CADPS2: variants seen among roughly 807,000 people sequenced by gnomAD.
The protein encoded by CADPS2 is calcium dependent secretion activator 2, also known as calcium-dependent secretion activator 2.
CADPS2 carries 93 observed loss-of-function variants against 172.5 expected under a neutral mutation model. The observed-to-expected ratio is 0.54, with a 90% CI of 0.46 to 0.64. CADPS2 has a LOEUF of 0.64. Among genes scored for constraint, CADPS2 ranks in the 30% least tolerant of loss-of-function variants. CADPS2 has a pLI of 0.00. For missense variants in CADPS2, 1,420 were observed against 1,565.9 expected (o/e 0.91, Z 1.57); for synonymous variants, 546 against 555.2 (o/e 0.98, Z 0.23).
intron 24 of CADPS2, 92 bp from the exon 25 acceptor site, chr7:122,379,534 T>C (rs1428440184): frequency 1.3e-6 from 1 of 747,300 alleles, no homozygotes; most frequent in South Asian, 1.5e-5. Flanking sequence ...AGTTATGACC[T>C]ATCAGATTTA....
intron 25 of CADPS2, among the ~76,000 whole-genome samples, chr7:122,369,136 C>G (rs955801564): frequency 4.2e-5 from 4 of 96,108 alleles, no homozygotes; most frequent in Admixed American, 1.2e-4. Context: ...TTCCCCCCCC[C>G]CCCCCCTTTT....
At chr7:122,406,836 A>G (rs1273211000) in intron 20 of CADPS2, among the ~76,000 whole-genome samples, 1 of 152,148 alleles carries the variant, frequency 6.6e-6, no homozygotes, top group Admixed American at 6.5e-5. Flanking sequence ...GTGCTGAAAC[A>G]AAGGTTGTCA....
intron 1 of CADPS2, among the ~76,000 whole-genome samples, chr7:122,774,542 G>A (rs2093815868): frequency 1.3e-5 from 2 of 151,974 alleles, no homozygotes; most frequent in African/African-American, 4.8e-5. Context: ...TAAAAGCATA[G>A]GTTATAAATG....
At chr7:122,362,431 TAGG>T (rs1171808308) in intron 25 of CADPS2, among the ~76,000 whole-genome samples, 5 of 152,052 alleles carry the variant, frequency 3.3e-5, no homozygotes, top group African/African-American at 1.2e-4. Context: ...GTGAGGGGGG[TAGG>T]ATGTGGAATT....
At chr7:122,562,571 ATTGTT>A (rs935493010) in intron 7 of CADPS2, among the ~76,000 whole-genome samples, 8 of 152,170 alleles carry the variant, frequency 5.3e-5, no homozygotes, top group Non-Finnish European at 1.0e-4. Context: ...ACAAATTTAT[ATTGTT>A]TTAAGTCACT....
intron 1 of CADPS2, among the ~76,000 whole-genome samples, chr7:122,738,250 A>G (rs1183885394): frequency 1.3e-5 from 2 of 152,168 alleles, no homozygotes; most frequent in Non-Finnish European, 2.9e-5. Flanking sequence ...GGAGCTTCTT[A>G]GTAAAAATAT....
intron 14 of CADPS2, among the ~76,000 whole-genome samples, chr7:122,460,809 A>G (rs927072473): frequency 8.5e-5 from 13 of 152,232 alleles, no homozygotes; most frequent in African/African-American, 3.1e-4. Context: ...AGAATAACAG[A>G]ATTTCCAGGA....
At chr7:122,474,179 T>G (rs1014144981) in intron 13 of CADPS2, among the ~76,000 whole-genome samples, 5 of 152,304 alleles carry the variant, frequency 3.3e-5, no homozygotes, top group Admixed American at 1.3e-4. Context: ...GCAGTGGTCT[T>G]CAAGTGTATA....
intron 9 of CADPS2, among the ~76,000 whole-genome samples, chr7:122,501,179 C>T (rs1444690561): frequency 6.6e-6 from 1 of 151,854 alleles, no homozygotes. Context: ...CACTTAAGTC[C>T]AGGGATTCAA....
chr7:122,507,760 G>A (rs1424543493), intron 9 of CADPS2, among the ~76,000 whole-genome samples: 2 of 152,116 alleles, frequency 1.3e-5, no homozygotes. Flanking sequence ...TGCTATTGTA[G>A]GAATCCATGT....
At chr7:122,533,265 A>T (rs1161582717) in intron 8 of CADPS2, among the ~76,000 whole-genome samples, 1 of 152,062 alleles carries the variant, frequency 6.6e-6, no homozygotes, top group Non-Finnish European at 1.5e-5. Context: ...AGCAGTAGTT[A>T]AAAAAATAGC....
intron 2 of CADPS2, chr7:122,697,960 AG>A: frequency 6.2e-7 from 1 of 1,613,700 alleles, no homozygotes; most frequent in Non-Finnish European, 8.5e-7. Flanking sequence ...ATTTGACATT[AG>A]AACTTGCAAA....
chr7:122,744,089 C>A (rs1350700247), intron 1 of CADPS2, among the ~76,000 whole-genome samples: 1 of 152,186 alleles, frequency 6.6e-6, no homozygotes, highest in Non-Finnish European at 1.5e-5. Context: ...AAGTTAAGAC[C>A]AACCAGATGC....
chr7:122,622,282 G>A (rs911076655), intron 4 of CADPS2, among the ~76,000 whole-genome samples: 9 of 152,084 alleles, frequency 5.9e-5, no homozygotes, highest in African/African-American at 1.9e-4. Context: ...ACATTAATGT[G>A]CCAAGATCTC....
intron 2 of CADPS2, among the ~76,000 whole-genome samples, chr7:122,730,774 T>C (rs975667867): frequency 1.3e-5 from 2 of 151,696 alleles, no homozygotes; most frequent in African/African-American, 2.4e-5. Context: ...AGAGCAGTTT[T>C]AGGATGACAA....
At chr7:122,836,322 A>G (rs1172009475) in intron 1 of CADPS2, among the ~76,000 whole-genome samples, 1 of 152,188 alleles carries the variant, frequency 6.6e-6, no homozygotes, top group Non-Finnish European at 1.5e-5. Context: ...CCACTGCAAA[A>G]ACATGCCAAA....
chr7:122,502,570 T>C (rs1025025652), intron 9 of CADPS2, among the ~76,000 whole-genome samples: 3 of 152,090 alleles, frequency 2.0e-5, no homozygotes, highest in Non-Finnish European at 4.4e-5. Flanking sequence ...GACTAGAACC[T>C]GTTTTATTGT....
intron 14 of CADPS2, among the ~76,000 whole-genome samples, chr7:122,464,411 G>A (rs1424942898): frequency 6.6e-6 from 1 of 152,204 alleles, no homozygotes; most frequent in African/African-American, 2.4e-5. Flanking sequence ...ATTCCTTACA[G>A]AAGAATTCTG....
chr7:122,883,425 T>C (rs2141815882), intron 1 of CADPS2, among the ~76,000 whole-genome samples: 1 of 152,316 alleles, frequency 6.6e-6, no homozygotes, highest in East Asian at 1.9e-4. Flanking sequence ...TGACAACAAT[T>C]TCAGCTATTA....
Sources: gnomAD v4.1 joint callset for allele counts (sites outside exome capture counted in the v4.1 genomes callset) on GRCh38, gnomAD v4.1.1 for gene constraint, MANE v1.5 for transcripts, NCBI Gene and HGNC (gene_info 2026-07-23, HGNC 2026-07-21) for gene names.